Variants in ARHGEF4 observed in about 807,000 individuals in gnomAD.
ARHGEF4 encodes the protein APC-stimulated guanine nucleotide exchange factor 1.
ARHGEF4 carries 119 observed loss-of-function variants against 162.0 expected under a neutral mutation model. The ratio of observed to expected loss-of-function variants is 0.73; its 90% CI spans 0.63 to 0.86. The LOEUF (loss-of-function observed/expected upper bound fraction) is 0.86. Ranked by LOEUF, ARHGEF4 falls within the 40% of genes least tolerant of loss-of-function variation. The probability of loss-of-function intolerance (pLI) is 0.00; values close to 1 mark genes in which losing one functional copy is unlikely to be tolerated. For missense variants in ARHGEF4, 2,488 were observed against 2,456.0 expected, an observed-to-expected ratio of 1.01 and a Z score of -0.28; for synonymous variants, 1,014 against 979.9, an observed-to-expected ratio of 1.03 and a Z score of -0.65.
At chr2:130,912,033 G>A (rs970186163) in intron 1 of ARHGEF4, among the ~76,000 whole-genome samples, 3 of 152,218 alleles carry the variant, frequency 2.0e-5, no homozygotes, top group African/African-American at 4.8e-5. Flanking sequence ...TGTCTAAGAC[G>A]GGTTGGTGAG....
chr2:130,919,832 C>T (rs1371194369), intron 2 of ARHGEF4, among the ~76,000 whole-genome samples: 1 of 151,590 alleles, frequency 6.6e-6, no homozygotes, highest in Non-Finnish European at 1.5e-5. Flanking sequence ...GCCAAGATCA[C>T]ACCACTGCAC....
intron 5 of ARHGEF4, among the ~76,000 whole-genome samples, chr2:131,032,971 GTCT>G (rs1689969541): frequency 6.7e-6 from 1 of 149,142 alleles, no homozygotes; most frequent in African/African-American, 2.5e-5. Flanking sequence ...TCCCACCTCA[GTCT>G]TTCTCGTAGC....
intron 2 of ARHGEF4, among the ~76,000 whole-genome samples, chr2:130,925,736 C>A (rs1233413790): frequency 2.0e-5 from 3 of 152,166 alleles, no homozygotes; most frequent in Non-Finnish European, 2.9e-5. Flanking sequence ...CCTCTCACTG[C>A]TCTCAATATT....
At chr2:131,022,031 A>G (rs1272848573) in intron 4 of ARHGEF4, among the ~76,000 whole-genome samples, 1 of 152,160 alleles carries the variant, frequency 6.6e-6, no homozygotes, top group East Asian at 1.9e-4. Flanking sequence ...AATCCTTTCA[A>G]TATGCTGCTG....
intron 1 of ARHGEF4, among the ~76,000 whole-genome samples, chr2:130,869,037 C>G (rs72855906): frequency 0.026 from 4,001 of 152,316 alleles, 106 homozygotes; most frequent in East Asian, 0.1. Context: ...CAGCCCCATC[C>G]CTTTTGCCCT....
chr2:131,011,289 C>T (rs376254349), intron 4 of ARHGEF4, among the ~76,000 whole-genome samples: 8 of 152,222 alleles, frequency 5.3e-5, no homozygotes, highest in African/African-American at 7.2e-5. Flanking sequence ...CCTTCACCCA[C>T]CCTTAGATTA....
chr2:131,022,831 A>G (rs755438869), intron 4 of ARHGEF4, among the ~76,000 whole-genome samples: 3 of 152,062 alleles, frequency 2.0e-5, no homozygotes, highest in Non-Finnish European at 4.4e-5. Context: ...ATTGAACATT[A>G]TAACAATTTT....
At chr2:130,900,891 C>A (rs1187251492) in intron 1 of ARHGEF4, among the ~76,000 whole-genome samples, 1 of 152,132 alleles carries the variant, frequency 6.6e-6, no homozygotes. Context: ...GTTCTAGTGA[C>A]AGTTTAGTTT....
At chr2:130,906,313 AG>A (rs1463499396) in intron 1 of ARHGEF4, among the ~76,000 whole-genome samples, 1 of 152,224 alleles carries the variant, frequency 6.6e-6, no homozygotes, top group Non-Finnish European at 1.5e-5. Flanking sequence ...CCCAGCAGAC[AG>A]GGCAGATAAA....
At chr2:130,918,459 C>T (rs1441837304) in intron 2 of ARHGEF4, among the ~76,000 whole-genome samples, 1 of 145,246 alleles carries the variant, frequency 6.9e-6, no homozygotes, top group Non-Finnish European at 1.5e-5. Context: ...AGTAAGGCTC[C>T]CTCAGCTTCT....
intron 4 of ARHGEF4, among the ~76,000 whole-genome samples, chr2:130,960,266 C>T (rs1158713869): frequency 6.6e-6 from 1 of 152,154 alleles, no homozygotes; most frequent in Non-Finnish European, 1.5e-5. Context: ...AAGCTGTATT[C>T]ATGTTAAGTC....
At chr2:130,930,016 C>G (rs1221535149) in intron 2 of ARHGEF4, 1 of 126,266 alleles carries the variant, frequency 7.9e-6, no homozygotes, top group East Asian at 2.5e-4. Flanking sequence ...GCCTCAGCCT[C>G]CCGAGTAGCT....
At chr2:130,988,029 T>C (rs1351656195) in intron 4 of ARHGEF4, among the ~76,000 whole-genome samples, 1 of 152,130 alleles carries the variant, frequency 6.6e-6, no homozygotes, top group Non-Finnish European at 1.5e-5. Context: ...GATAACATGA[T>C]TCCAAGGGCG....
At chr2:130,984,175 G>A (rs572510753) in intron 4 of ARHGEF4, among the ~76,000 whole-genome samples, 28 of 152,256 alleles carry the variant, frequency 1.8e-4, no homozygotes, top group African/African-American at 6.3e-4. Context: ...ATTTTGGGTA[G>A]TTTCCATAGC....
intron 10 of ARHGEF4, 151 bp from the exon 11 acceptor site, chr2:131,043,301 C>A: frequency 9.9e-7 from 1 of 1,013,232 alleles, no homozygotes; most frequent in Admixed American, 2.5e-5. Flanking sequence ...CCAGACGTGC[C>A]ACCTCTTCCT....
intron 4 of ARHGEF4, among the ~76,000 whole-genome samples, chr2:130,966,672 G>A (rs969002408): frequency 1.3e-5 from 2 of 152,202 alleles, no homozygotes; most frequent in African/African-American, 2.4e-5. Flanking sequence ...GCAGCATGCC[G>A]GTCCGGTGGT....
At chr2:130,936,057 C>A (rs531744496) in intron 3 of ARHGEF4, among the ~76,000 whole-genome samples, 1 of 152,030 alleles carries the variant, frequency 6.6e-6, no homozygotes, top group Admixed American at 6.5e-5. Flanking sequence ...GAGAGTGAAA[C>A]TCCACCTCAA....
intron 4 of ARHGEF4, among the ~76,000 whole-genome samples, chr2:130,978,122 C>T (rs1418835756): frequency 6.6e-6 from 1 of 152,186 alleles, no homozygotes; most frequent in African/African-American, 2.4e-5. Flanking sequence ...GCTTTAACAG[C>T]AGAAGGATCC....
chr2:130,867,685 C>G (rs572936558), intron 1 of ARHGEF4, among the ~76,000 whole-genome samples: 2 of 152,306 alleles, frequency 1.3e-5, no homozygotes, highest in South Asian at 4.1e-4. Flanking sequence ...TTTTCCTCCT[C>G]TTTCAGCCTG....
Sources: gnomAD v4.1 joint callset for allele counts (sites outside exome capture counted in the v4.1 genomes callset) on GRCh38, gnomAD v4.1.1 for gene constraint, MANE v1.5 for transcripts, NCBI Gene and HGNC (gene_info 2026-07-23, HGNC 2026-07-21) for gene names.